Variants in GRIP2 observed in about 807,000 individuals in gnomAD.
GRIP2 encodes the protein glutamate receptor interacting protein 2, also known as glutamate receptor-interacting protein 2.
Under a neutral mutation model 108.3 loss-of-function variants are expected in GRIP2, and 58 were observed. That is an observed-to-expected ratio of 0.54 (90% confidence interval 0.43 to 0.67). GRIP2 has a LOEUF of 0.67. GRIP2 is among the 30% of genes least tolerant of loss of function. The probability of loss-of-function intolerance (pLI) is 0.00; values close to 1 mark genes in which losing one functional copy is unlikely to be tolerated. For missense variants in GRIP2, 1,278 were observed against 1,430.6 expected (o/e 0.89, Z 1.72); for synonymous variants, 586 against 598.2 (o/e 0.98, Z 0.30).
chr3:14,594,958 G>A, the GRIP2 span, among the ~76,000 whole-genome samples: 2 of 152,160 alleles, frequency 1.3e-5, no homozygotes, highest in African/African-American at 4.8e-5. Flanking sequence ...GCACAGTGGC[G>A]CAATCACAGT....
chr3:14,509,911 C>T lies in GRIP2; in HGVS notation c.1987G>A (p.Gly663Arg), dbSNP rs188789700. Residue 663 changes from glycine (G) to arginine (R), a missense_variant, in exon 17 of 24, where the codon GGG (glycine) becomes AGG (arginine). Transcript: ENST00000621039. The part of the protein sequence containing the change: ...VSYTVELKRY[G>R]GPLGITISGT... ...GAAATGGTGATGCCCAGGGGACCCC[C>T]GTAGCGCTTCAGCTCCACTGTGTAA... The T allele has an allele frequency of 1.7e-5, 27 of 1,550,290 alleles. 3 individuals carry two copies. The South Asian group carries it at 2.0e-4, about 11-fold the overall frequency.
At chr3:14,561,151 C>T in the GRIP2 span, among the ~76,000 whole-genome samples, 2 of 152,228 alleles carry the variant, frequency 1.3e-5, no homozygotes, top group Non-Finnish European at 2.9e-5. Context: ...CAGATTTTTG[C>T]AGGATCCTTC....
At chr3:14,571,608 G>C in the GRIP2 span, among the ~76,000 whole-genome samples, 1 of 152,172 alleles carries the variant, frequency 6.6e-6, no homozygotes, top group Admixed American at 6.5e-5. Context: ...TAAGTAAAGT[G>C]GTCATCGAGA....
intron 1 of GRIP2, 82 bp from the exon 2 acceptor site, chr3:14,526,013 C>CAGAGTGGAAAA: frequency 2.4e-6 from 3 of 1,271,680 alleles, no homozygotes; most frequent in Non-Finnish European, 3.4e-6. Context: ...GAATTTTCCA[C>CAGAGTGGAAAA]TCTGTGGACG....
chr3:14,540,425 G>T, upstream of GRIP2: 1 of 1,598,334 alleles, frequency 6.3e-7, no homozygotes, highest in Non-Finnish European at 8.5e-7. This position sits in a 1 kb window ranked among gnomAD's most constrained non-coding sequence, Gnocchi z 4.1. Flanking sequence ...CCACTGGCTG[G>T]GCACCGAGTC....
Position 14,520,248 on chromosome 3 carries a change from G to C in GRIP2, c.892C>G (p.Leu298Val), listed in dbSNP as rs1694367058. Residue 298 changes from leucine (L) to valine (V), a missense_variant, in exon 9 of 24, where the codon CTG becomes GTG. Physicochemically the swap from Leu to Val is conservative, Grantham distance 32. Coordinates refer to ENST00000621039, the MANE Select transcript of GRIP2 (RefSeq NM_001080423.4). Reference sequence around the variant, plus strand: ...TCCATGCTGGTGCCATCGATGGACAGGATGTGGTCTCCAGGGTGCAGGGCT... The same window carrying C: ...TCCATGCTGGTGCCATCGATGGACACGATGTGGTCTCCAGGGTGCAGGGCT... ...SGALHPGDHILSIDGTSMEHC... is the reference protein window; with the variant it reads ...SGALHPGDHIVSIDGTSMEHC... The C allele has an allele frequency of 1.2e-6, 2 of 1,613,786 alleles. No individual in the cohort carries two copies. The highest frequency in any genetic ancestry group is 1.3e-5 in the African/African-American group (1 of 74,934).
intron 11 of GRIP2, among the ~76,000 whole-genome samples, chr3:14,514,856 A>T (rs1281814568): frequency 1.3e-5 from 2 of 152,260 alleles, no homozygotes; most frequent in African/African-American, 4.8e-5. Context: ...TATAATTTAC[A>T]TACCACAGTA....
chr3:14,493,927 G>C, intron 23 of GRIP2, 101 bp from the exon 24 acceptor site: 1 of 1,279,692 alleles, frequency 7.8e-7, no homozygotes, highest in Non-Finnish European at 1.1e-6. Context: ...TCCTGCCCCA[G>C]CCTTGACGCA....
rs1229047792 is a variant in GRIP2, at chr3:14,493,009, GA to G, written c.*655del. 2 of 152,260 alleles carry G rather than the reference GA, an allele frequency of 1.3e-5. No individual in the cohort carries two copies. The highest frequency in any genetic ancestry group is 2.9e-5 in the Non-Finnish European group (2 of 68,052). The allele number at this position is 152,260 out of a possible 1,614,324, so 9.4% of individuals were successfully genotyped here. A position where few individuals can be genotyped will look rare whatever the true frequency, so the allele number is the denominator to read the frequency against. ...TTAAGAGTCTCATAAGTGGGGACCA[GA>G]TTCTGGGAATCTCAGAATCTCAGGA... On this transcript the variant is annotated 3_prime_UTR_variant, in exon 24 of 24. Transcript: ENST00000621039.
chr3:14,518,197 C>T (rs1431457581), intron 9 of GRIP2, among the ~76,000 whole-genome samples: 2 of 152,164 alleles, frequency 1.3e-5, no homozygotes, highest in South Asian at 2.1e-4. Flanking sequence ...GCCCTGGAGC[C>T]GGAGAGGTCT....
At position 14,525,814 on chromosome 3, in the gene GRIP2, A is replaced by T. The variant is rs1281009803; in HGVS notation, c.121+37T>A. Reference sequence around the variant, plus strand: ...CCCACCTAGGGCTCTCTGTGCCTCCAGGGCAGAAAAAGAGGGAATGAGGGA... The same window carrying T: ...CCCACCTAGGGCTCTCTGTGCCTCCTGGGCAGAAAAAGAGGGAATGAGGGA... On this transcript the variant is annotated intron_variant, in intron 2 of 23. Transcript: ENST00000621039. The T allele has an allele frequency of 3.2e-6, 5 of 1,545,210 alleles. No homozygotes were observed. In the Admixed American group the frequency reaches 9.8e-5, roughly 30 times the overall value.
rs771309772 is a variant in GRIP2, at chr3:14,531,524, TC to T, written c.41-5594del. Among the ~76,000 whole-genome samples, 12 of 152,340 alleles carry T rather than the reference TC, an allele frequency of 7.9e-5. No homozygotes were observed. The South Asian group carries it at 1.5e-3, about 18-fold the overall frequency. Reference sequence around the variant, plus strand: ...GCCTGATGGGGCATATTCTGGTTTCTCCTCTATGTGCTGACAGAGAGGGGAA... The same window carrying T: ...GCCTGATGGGGCATATTCTGGTTTCTCTCTATGTGCTGACAGAGAGGGGAA... On this transcript the variant is annotated intron_variant, in intron 1 of 23. Transcript: ENST00000621039.
intron 12 of GRIP2, 98 bp downstream of exon 12, chr3:14,514,194 G>T: frequency 1.8e-6 from 2 of 1,137,346 alleles, no homozygotes. Context: ...CTGATGCAAT[G>T]GTTAAGTGAG....
At chr3:14,535,530 C>T (rs1012365434) in intron 1 of GRIP2, among the ~76,000 whole-genome samples, 3 of 152,236 alleles carry the variant, frequency 2.0e-5, no homozygotes, top group African/African-American at 7.2e-5. Flanking sequence ...TCTGTGCTTC[C>T]TAAGCACGAT....
intron 12 of GRIP2, 116 bp from the exon 13 acceptor site, chr3:14,513,926 C>G: frequency 1.6e-6 from 2 of 1,271,536 alleles, no homozygotes; most frequent in Non-Finnish European, 2.2e-6. Flanking sequence ...TGGGGTGACT[C>G]TCAGCTCTGC....
At chr3:14,562,804 C>G in the GRIP2 span, among the ~76,000 whole-genome samples, 1 of 152,194 alleles carries the variant, frequency 6.6e-6, no homozygotes, top group Non-Finnish European at 1.5e-5. Context: ...CGTGGCATTA[C>G]GTGCGCCAGA....
chr3:14,531,133 A>G (rs758909634), intron 1 of GRIP2: 1 of 152,204 alleles, frequency 6.6e-6, no homozygotes, highest in Non-Finnish European at 1.5e-5. Flanking sequence ...AAGTTTAGCC[A>G]TACATTCTTT....
intron 1 of GRIP2, among the ~76,000 whole-genome samples, chr3:14,547,425 C>G (rs746422733): frequency 6.6e-6 from 1 of 152,348 alleles, no homozygotes; most frequent in South Asian, 2.1e-4. Flanking sequence ...AGAGCCAGAT[C>G]TGGCGCTGGG....
chr3:14,590,493 A>G, the GRIP2 span, among the ~76,000 whole-genome samples: 1 of 152,054 alleles, frequency 6.6e-6, no homozygotes, highest in African/African-American at 2.4e-5. Context: ...CTCATCTGAT[A>G]AGGCTGATAC....
Sources: gnomAD v4.1 joint callset for allele counts (sites outside exome capture counted in the v4.1 genomes callset) on GRCh38, gnomAD v4.1.1 for gene constraint, Gnocchi (gnomAD v3.1) non-coding constraint, MANE v1.5 for transcripts, NCBI Gene and HGNC (gene_info 2026-07-23, HGNC 2026-07-21) for gene names.